The following ADAMTS10 variants were observed in gnomAD, a reference collection of about 807,000 sequenced individuals.
ADAMTS10 encodes ADAM metallopeptidase with thrombospondin type 1 motif 10, also known as A disintegrin and metalloproteinase with thrombospondin motifs 10.
In ADAMTS10, 48 loss-of-function variants were observed where a neutral mutation model predicts 135.9. The ratio of observed to expected loss-of-function variants is 0.35; its 90% CI spans 0.28 to 0.45. The LOEUF (loss-of-function observed/expected upper bound fraction) is 0.45, where lower values mean the gene tolerates loss of function less well. Ranked by LOEUF, ADAMTS10 falls within the 20% of genes least tolerant of loss-of-function variation. ADAMTS10 has a pLI of 1.00. For missense variants in ADAMTS10, 1,131 were observed against 1,565.2 expected (o/e 0.72, Z 4.68); for synonymous variants, 621 against 647.5 (o/e 0.96, Z 0.62).
rs907764817 is a variant in ADAMTS10 at position 8,605,816 on chromosome 19, G to A, written c.-99-7C>T. On this transcript the variant is annotated splice_region_variant and splice_polypyrimidine_tract_variant and intron_variant, in intron 2 of 25. Transcript: ENST00000597188. The surrounding 1 kb of genome is among the most constrained non-coding windows in gnomAD (Gnocchi z 7.7). ...TCGCAGCATCACCGGGCTCCTGGGAGGGGGGAGCCAGGTAAGGGGGCGCCT... is the reference window on the plus strand; with the variant it reads ...TCGCAGCATCACCGGGCTCCTGGGAAGGGGGAGCCAGGTAAGGGGGCGCCT... 2.0e-6 allele frequency: 3 copies of A among 1,510,620 alleles called. No individual in the cohort carries two copies. The highest frequency in any genetic ancestry group is 2.1e-5 in the Admixed American group (1 of 47,972). The allele number at this position is 1,510,620 out of a possible 1,614,324, so 93.6% of individuals were successfully genotyped here. A position where few individuals can be genotyped will look rare whatever the true frequency, so the allele number is the denominator to read the frequency against.
intron 12 of ADAMTS10, 109 bp downstream of exon 12, chr19:8,595,652 CG>C: frequency 6.5e-7 from 1 of 1,546,830 alleles, no homozygotes; most frequent in Non-Finnish European, 8.8e-7. Context: ...CCCCCCTTCC[CG>C]GTTCTCCCAC....
At position 8,600,940 on chromosome 19, in the gene ADAMTS10, G is replaced by C; in HGVS notation, c.798C>G (p.Ala266=). The change falls in exon 6 of 26, where the codon GCC becomes GCG. Residue 266 remains alanine (A), a synonymous_variant. Transcript: ENST00000597188. ...GRRDVEQYVL[A]IMNIVAKLFQ... ...GGAAGGCACTTACAATGTTCATGATGGCCAGGACATACTGCTCCACATCCC... is the reference window on the plus strand; with the variant it reads ...GGAAGGCACTTACAATGTTCATGATCGCCAGGACATACTGCTCCACATCCC... 1 of 1,614,136 alleles carries C rather than the reference G, an allele frequency of 6.2e-7. No individual in the cohort carries two copies. Among genetic ancestry groups the C allele is most frequent in the Non-Finnish European group, 8.5e-7 (1 of 1,180,050 alleles).
chr19:8,608,519 T>C (rs1458853335), intron 1 of ADAMTS10, among the ~76,000 whole-genome samples: 1 of 152,098 alleles, frequency 6.6e-6, no homozygotes, highest in Non-Finnish European at 1.5e-5. Flanking sequence ...GTTGGGCACC[T>C]CTGACCCCCG....
rs183691340 is a variant in ADAMTS10 at position 8,589,270 on chromosome 19, G to A, written c.2130C>T (p.Gly710=). 4.7e-5 allele frequency: 75 copies of A among 1,612,468 alleles called. 2 individuals are homozygous for A. In the African/African-American group the frequency reaches 6.8e-4, roughly 15 times the overall value. Residue 710 remains glycine (G), a synonymous_variant, in exon 18 of 26, where the codon GGC becomes GGT. Coordinates refer to ENST00000597188, the MANE Select transcript of ADAMTS10 (RefSeq NM_030957.4). ...GDGSACETIE[G]VFSPASPGAG... ...CCCCAGGTGAGGCTGGGCTGAAGAC[G>A]CCCTCGATGGTCTCGCAGGCACTGC...
chr19:8,581,059 C>A (rs2030429314), intron 25 of ADAMTS10, 57 bp from the exon 26 acceptor site: 6 of 1,262,758 alleles, frequency 4.8e-6, no homozygotes, highest in Middle Eastern at 1.9e-4. Context: ...CCCCGCAGGG[C>A]TGCACACACG....
chr19:8,609,693 G>A (rs1177615703), intron 1 of ADAMTS10, among the ~76,000 whole-genome samples: 1 of 152,114 alleles, frequency 6.6e-6, no homozygotes, highest in Non-Finnish European at 1.5e-5. Context: ...GAGCCCGACC[G>A]CTGGAGACAC....
In ADAMTS10 at chr19:8,580,541, C is replaced by T; in HGVS notation, c.*352G>A. ...CCGGCAGACCACCTCCCCACCCCTA[C>T]TCTTCACAGTACATATTCCGATCAA... On this transcript the variant is annotated 3_prime_UTR_variant, in exon 26 of 26. Transcript: ENST00000597188. 4.3e-6 allele frequency: 1 copy of T among 229,908 alleles called. No individual in the cohort carries two copies. Among genetic ancestry groups the T allele is most frequent in the Non-Finnish European group, 8.9e-6 (1 of 112,218 alleles). 14.2% of individuals were successfully genotyped at this position (229,908 alleles called of 1,614,324 possible). A position where few individuals can be genotyped will look rare whatever the true frequency, so the allele number is the denominator to read the frequency against.
In ADAMTS10 at chr19:8,596,687, G is replaced by T; in HGVS notation, c.1041-102C>A. On this transcript the variant is annotated intron_variant, in intron 8 of 25. Coordinates refer to ENST00000597188, the MANE Select transcript of ADAMTS10 (RefSeq NM_030957.4). This position sits in a 1 kb window ranked among gnomAD's most constrained non-coding sequence, Gnocchi z 7.2. ...GGGGGTTGAGTCCTGCCTTGGAGGC[G>T]CCATCTGCCTCTCACCTGAAGCTGC... The T allele has an allele frequency of 1.4e-6, 2 of 1,419,284 alleles. No homozygotes were observed. Among genetic ancestry groups the T allele is most frequent in the South Asian group, 1.3e-5 (1 of 79,364 alleles). 87.9% of individuals were successfully genotyped at this position (1,419,284 alleles called of 1,614,324 possible).
chr19:8,603,955 T>G, intron 4 of ADAMTS10, 71 bp from the exon 5 acceptor site: 2 of 1,468,856 alleles, frequency 1.4e-6, no homozygotes, highest in Non-Finnish European at 1.8e-6. Context: ...TGGGACCTTC[T>G]CTCTGTCTTT....
rs376292178 is a variant in ADAMTS10, at chr19:8,601,118, C to A, written c.620G>T (p.Trp207Leu). 1 of 1,613,936 alleles carries A rather than the reference C, an allele frequency of 6.2e-7. No homozygotes were observed. The highest frequency in any genetic ancestry group is 1.7e-5 in the Admixed American group (1 of 60,028). Reference protein sequence around the residue: ...RDEKPWKGRPWWLRTLKPPPA... With the variant: ...RDEKPWKGRPLWLRTLKPPPA... ...CGGTGGCTTCAAGGTCCGCAGCCAC[C>A]ATGGCCGCCCTTTCCACGGTTTCTC... The change falls in exon 6 of 26, where the codon TGG becomes TTG. Residue 207 changes from tryptophan (W) to leucine (L), a missense_variant. This residue lies in a region of ADAMTS10 where 306 missense variants were observed against 344.4 expected (regional missense o/e 0.89). Transcript: ENST00000597188. The surrounding 1 kb of genome is among the most constrained non-coding windows in gnomAD (Gnocchi z 4.6).
In ADAMTS10 at chr19:8,596,532, G is replaced by T. The variant is rs1448026637; in HGVS notation, c.1084+10C>A. ...TTCATAGGCGCCTGAAACCTACGGG[G>T]CTCGGGTACCTAGTGTGCCGCAGGG... On this transcript the variant is annotated intron_variant, in intron 9 of 25. Transcript: ENST00000597188. This position sits in a 1 kb window ranked among gnomAD's most constrained non-coding sequence, Gnocchi z 7.2. The T allele has an allele frequency of 6.2e-7, 1 of 1,613,894 alleles. No individual in the cohort carries two copies. Among genetic ancestry groups the T allele is most frequent in the African/African-American group, 1.3e-5 (1 of 74,934 alleles).
In ADAMTS10 at chr19:8,595,858, G is replaced by T. The variant is rs2042597123; in HGVS notation, c.1383C>A (p.Asp461Glu). 1 of 1,614,100 alleles carries T rather than the reference G, an allele frequency of 6.2e-7. No homozygotes were observed. Among genetic ancestry groups the T allele is most frequent in the African/African-American group, 1.3e-5 (1 of 74,932 alleles). ...LCLNNRPPRQ[D>E]FVYPTVAPGQ... Reference sequence around the variant, plus strand: ...CCGGTGCCACTGTCGGGTACACAAAGTCCTGTCTGGGGGGCCGGTTGTTCA... The same window carrying T: ...CCGGTGCCACTGTCGGGTACACAAATTCCTGTCTGGGGGGCCGGTTGTTCA... The change falls in exon 12 of 26, where the codon GAC (aspartate) becomes GAA (glutamate). Residue 461 changes from aspartate (D) to glutamate (E), a missense_variant. Coordinates refer to ENST00000597188, the MANE Select transcript of ADAMTS10 (RefSeq NM_030957.4).
At chr19:8,581,638 C>T (rs1464962581) in intron 25 of ADAMTS10, among the ~76,000 whole-genome samples, 3 of 151,874 alleles carry the variant, frequency 2.0e-5, no homozygotes, top group African/African-American at 7.3e-5. Flanking sequence ...AGTTTGAAAC[C>T]AGCCTGGCCA....
chr19:8,604,838 G>A (rs1555742177), intron 4 of ADAMTS10, 174 bp downstream of exon 4: 1 of 724,682 alleles, frequency 1.4e-6, no homozygotes, highest in African/African-American at 1.8e-5. Flanking sequence ...CTTACCTAAG[G>A]CTATACATTT....
In ADAMTS10 at chr19:8,586,608, C is replaced by A. The variant is rs1016150128; in HGVS notation, c.2353G>T (p.Val785Phe). The change falls in exon 20 of 26, where the codon GTC (valine) becomes TTC (phenylalanine). Residue 785 changes from valine (V) to phenylalanine (F), a missense_variant. Physicochemically the swap from Val to Phe is conservative, Grantham distance 50 (BLOSUM62 -1). Transcript: ENST00000597188. ...TFQLRQGPDQVQSLEALGPIN... is the reference protein window; with the variant it reads ...TFQLRQGPDQFQSLEALGPIN... ...GGTCCCAGGGCTTCGAGGCTCTGGA[C>A]CTGGTCTGGCCCCTGTCGCAGTTGA... The A allele has an allele frequency of 6.2e-7, 1 of 1,614,072 alleles. No individual in the cohort carries two copies. Among genetic ancestry groups the A allele is most frequent in the Non-Finnish European group, 8.5e-7 (1 of 1,180,024 alleles).
chr19:8,593,007 C>A, intron 12 of ADAMTS10, 137 bp from the exon 13 acceptor site: 3 of 786,720 alleles, frequency 3.8e-6, no homozygotes, highest in South Asian at 1.5e-5. Flanking sequence ...TCCTGGCTCG[C>A]GGTGGGTCTT....
intron 13 of ADAMTS10, 112 bp from the exon 14 acceptor site, chr19:8,592,215 GGCAGA>G (rs1568398827): frequency 2.6e-6 from 4 of 1,555,110 alleles, no homozygotes; most frequent in Admixed American, 1.9e-5. Flanking sequence ...CTCCGGGATG[GGCAGA>G]GGCGGGGTCT....
At chr19:8,589,628 G>A (rs781937498) in intron 16 of ADAMTS10, 43 bp from the exon 17 acceptor site, 11 of 1,611,148 alleles carry the variant, frequency 6.8e-6, no homozygotes, top group Middle Eastern at 1.7e-4. Flanking sequence ...AGGCCACCCC[G>A]GAACTCTTTG....
chr19:8,591,590 T>C (rs912937858), intron 15 of ADAMTS10, among the ~76,000 whole-genome samples: 21 of 151,732 alleles, frequency 1.4e-4, no homozygotes, highest in African/African-American at 2.4e-4. Context: ...TACAGGCGCC[T>C]GCCACCACGC....
Sources: allele counts gnomAD v4.1 joint callset (sites outside exome capture counted in the v4.1 genomes callset), GRCh38; gene constraint gnomAD v4.1.1; regional missense constraint gnomAD v4.1.1; non-coding constraint Gnocchi (gnomAD v3.1); transcripts MANE v1.5; gene names NCBI Gene and HGNC (gene_info 2026-07-23, HGNC 2026-07-21).